ACP5: variants seen among roughly 807,000 people sequenced by gnomAD.
ACP5 encodes the protein tartrate-resistant acid phosphatase type 5.
ACP5 carries 24 observed loss-of-function variants against 28.7 expected under a neutral mutation model. The observed-to-expected ratio is 0.84, with a 90% CI of 0.61 to 1.18. The LOEUF is 1.18. Ranked by LOEUF, ACP5 falls within the 50% of genes most tolerant of loss-of-function variation. ACP5 has a pLI of 0.00. For missense variants in ACP5, 354 were observed against 422.2 expected (o/e 0.84, Z 1.42); for synonymous variants, 154 against 181.4 (o/e 0.85, Z 1.21).
Position 11,575,069 on chromosome 19 carries a change from T to C in ACP5, c.919A>G (p.Ile307Val). ...ISSKEMTVTY[I>V]EASGKSLFKT... ...AAGAGGGACTTGCCCGAGGCCTCGA[T>C]GTAAGTGACAGTCATCTCTTTGGAG... The change falls in exon 5 of 5, where the codon ATC becomes GTC. Residue 307 changes from isoleucine to valine, a missense_variant. Physicochemically the swap from Ile to Val is conservative, Grantham distance 29. Transcript: ENST00000648477. 6.2e-7 allele frequency: 1 copy of C among 1,614,192 alleles called. No homozygotes were observed.
Position 11,577,166 on chromosome 19 carries a change from G to T in ACP5, c.152C>A (p.Ala51Asp). ...CTGCACAGTCCGAGCGATCTCCTTG[G>T]CATTGGCCATTTCCCGGGCCGTGTG... ...PFHTAREMAN[A>D]KEIARTVQIL... The change falls in exon 2 of 5, where the codon GCC becomes GAC. Residue 51 changes from alanine to aspartate, a missense_variant. Transcript: ENST00000648477. This position sits in a 1 kb window ranked among gnomAD's most constrained non-coding sequence, Gnocchi z 5.7. 1 of 1,614,190 alleles carries T rather than the reference G, an allele frequency of 6.2e-7. No homozygotes were observed.
At position 11,577,619 on chromosome 19, in the gene ACP5, G is replaced by A. The variant is rs999220483; in HGVS notation, c.-27C>T. ...CAGGGGGAGACACAGGCCAGTCACCGGAGGCTCTGAGAGGCTGGTGGGCTC... is the reference window on the plus strand; with the variant it reads ...CAGGGGGAGACACAGGCCAGTCACCAGAGGCTCTGAGAGGCTGGTGGGCTC... On this transcript the variant is annotated 5_prime_UTR_variant, in exon 1 of 5. Coordinates refer to ENST00000648477, the MANE Select transcript of ACP5 (RefSeq NM_001611.5). This position sits in a 1 kb window ranked among gnomAD's most constrained non-coding sequence, Gnocchi z 5.7. 18 of 514,004 alleles carry A rather than the reference G, an allele frequency of 3.5e-5. No homozygotes were observed. Among genetic ancestry groups the A allele is most frequent in the East Asian group, 2.5e-4 (7 of 28,218 alleles). The allele number at this position is 514,004 out of a possible 1,614,324, so 31.8% of individuals were successfully genotyped here.
Position 11,576,705 on chromosome 19 carries a change from G to T in ACP5, c.389+11C>A, listed in dbSNP as rs774986467. The T allele has an allele frequency of 5.0e-6, 8 of 1,613,386 alleles. No homozygotes were observed. Among genetic ancestry groups the T allele is most frequent in the Non-Finnish European group, 6.8e-6 (8 of 1,179,818 alleles). The stretch of plus-strand genomic sequence containing the variant: ...TGAGGATCTCGGAAGGCAGGGCTGA[G>T]GGTGGCTCACCAGCGCTTGGAGATC... On this transcript the variant is annotated intron_variant, in intron 3 of 4. Coordinates refer to ENST00000648477, the MANE Select transcript of ACP5 (RefSeq NM_001611.5).
In ACP5 at chr19:11,577,399, A is replaced by T; in HGVS notation, c.1-82T>A. 2 of 1,490,520 alleles carry T rather than the reference A, an allele frequency of 1.3e-6. No homozygotes were observed. The highest frequency in any genetic ancestry group is 1.8e-6 in the Non-Finnish European group (2 of 1,088,446). The allele number at this position is 1,490,520 out of a possible 1,614,324, so 92.3% of individuals were successfully genotyped here. A position where few individuals can be genotyped will look rare whatever the true frequency, so the allele number is the denominator to read the frequency against. On this transcript the variant is annotated intron_variant, in intron 1 of 4. Coordinates refer to ENST00000648477, the MANE Select transcript of ACP5 (RefSeq NM_001611.5). The surrounding 1 kb of genome is among the most constrained non-coding windows in gnomAD (Gnocchi z 5.7). ...TTGAGACCCCCGCCTGCCCTGAGATAGAGGGAGACTGCTTGCTGCAGGCTG... is the reference window on the plus strand; with the variant it reads ...TTGAGACCCCCGCCTGCCCTGAGATTGAGGGAGACTGCTTGCTGCAGGCTG...
In ACP5 at chr19:11,577,310, A is replaced by G. The variant is rs200284614; in HGVS notation, c.8T>C (p.Met3Thr). Reference protein sequence around the residue: MDMWTALLILQAL... With the variant: MDTWTALLILQAL... ...TTGCAGGATGAGCAGCGCCGTCCAC[A>G]TGTCCATCTGGGAGAAGAGAGACAA... Residue 3 changes from methionine (M) to threonine (T), a missense_variant, in exon 2 of 5, where the codon ATG becomes ACG. Met to Thr is a moderately conservative substitution (Grantham distance 81). Coordinates refer to ENST00000648477, the MANE Select transcript of ACP5 (RefSeq NM_001611.5). The surrounding 1 kb of genome is among the most constrained non-coding windows in gnomAD (Gnocchi z 5.7). 31 of 1,613,870 alleles carry G rather than the reference A, an allele frequency of 1.9e-5. No individual in the cohort carries two copies. The East Asian group carries it at 4.2e-4, about 22-fold the overall frequency.
Position 11,577,089 on chromosome 19 carries a change from C to T in ACP5, c.229G>A (p.Gly77Ser), listed in dbSNP as rs1007317128. The change falls in exon 2 of 5, where the codon GGT (glycine) becomes AGT (serine). Residue 77 changes from glycine (G) to serine (S), a missense_variant. Transcript: ENST00000648477. The surrounding 1 kb of genome is among the most constrained non-coding windows in gnomAD (Gnocchi z 5.7). ...LSLGDNFYFTGVQDINDKRFQ... is the reference protein window; with the variant it reads ...LSLGDNFYFTSVQDINDKRFQ... Reference sequence around the variant, plus strand: ...CTCTTGTCATTGATGTCTTGCACACCAGTGAAGTAAAAATTGTCCCCTAGA... The same window carrying T: ...CTCTTGTCATTGATGTCTTGCACACTAGTGAAGTAAAAATTGTCCCCTAGA... 1 of 1,614,010 alleles carries T rather than the reference C, an allele frequency of 6.2e-7. No homozygotes were observed. The highest frequency in any genetic ancestry group is 1.3e-5 in the African/African-American group (1 of 74,916).
At position 11,577,300 on chromosome 19, in the gene ACP5, C is replaced by A. The variant is rs935506217; in HGVS notation, c.18G>T (p.Ala6=). 1.2e-6 allele frequency: 2 copies of A among 1,613,834 alleles called. No individual in the cohort carries two copies. The highest frequency in any genetic ancestry group is 2.7e-5 in the African/African-American group (2 of 74,914). ...GCAACAAGGCTTGCAGGATGAGCAG[C>A]GCCGTCCACATGTCCATCTGGGAGA... is the stretch of plus-strand genomic sequence containing the variant. The part of the protein sequence containing the change: MDMWT[A]LLILQALLLP... Residue 6 remains alanine, a synonymous_variant, in exon 2 of 5, where the codon GCG becomes GCT. Transcript: ENST00000648477. This position sits in a 1 kb window ranked among gnomAD's most constrained non-coding sequence, Gnocchi z 5.7.
chr19:11,577,120 G>A lies in ACP5; in HGVS notation c.198C>T (p.Ile66=). 1 of 1,614,164 alleles carries A rather than the reference G, an allele frequency of 6.2e-7. No homozygotes were observed. Among genetic ancestry groups the A allele is most frequent in the South Asian group, 1.1e-5 (1 of 91,088 alleles). The change falls in exon 2 of 5, where the codon ATC becomes ATT. Residue 66 remains isoleucine, a synonymous_variant. Transcript: ENST00000648477. This position sits in a 1 kb window ranked among gnomAD's most constrained non-coding sequence, Gnocchi z 5.7. ...RTVQILGADF[I]LSLGDNFYFT... is the part of the protein sequence containing the mutation. ...AGTAAAAATTGTCCCCTAGAGACAGGATGAAGTCTGCACCCAGGATCTGCA... is the reference window on the plus strand; with the variant it reads ...AGTAAAAATTGTCCCCTAGAGACAGAATGAAGTCTGCACCCAGGATCTGCA...
Position 11,577,158 on chromosome 19 carries a change from TCTC to T in ACP5, c.157_159del (p.Glu53del), listed in dbSNP as rs1380933258. ...CCCAGGATCTGCACAGTCCGAGCGATCTCCTTGGCATTGGCCATTTCCCGGGCC... is the reference window on the plus strand; with the variant it reads ...CCCAGGATCTGCACAGTCCGAGCGATCTTGGCATTGGCCATTTCCCGGGCC... On this transcript the variant is annotated inframe_deletion, in exon 2 of 5. Coordinates refer to ENST00000648477, the MANE Select transcript of ACP5 (RefSeq NM_001611.5). The surrounding 1 kb of genome is among the most constrained non-coding windows in gnomAD (Gnocchi z 5.7). 6.2e-7 allele frequency: 1 copy of T among 1,614,138 alleles called. No individual in the cohort carries two copies. Among genetic ancestry groups the T allele is most frequent in the Non-Finnish European group, 8.5e-7 (1 of 1,180,024 alleles).
intron 4 of ACP5, 82 bp from the exon 5 acceptor site, chr19:11,575,334 A>G: frequency 6.4e-7 from 1 of 1,559,714 alleles, no homozygotes. Context: ...ATCTGGCCCT[A>G]ACCACAGAGT....
intron 4 of ACP5, chr19:11,575,712 C>T (rs1343734819): frequency 4.9e-6 from 1 of 202,380 alleles, no homozygotes; most frequent in Non-Finnish European, 1.0e-5. Context: ...TAAAAATTAG[C>T]AAGGTTTGGT....
intron 4 of ACP5, 76 bp downstream of exon 4, chr19:11,576,167 G>C: frequency 7.8e-7 from 1 of 1,274,848 alleles, no homozygotes; most frequent in Non-Finnish European, 1.1e-6. Context: ...ACAGCAGGAG[G>C]ACCCCAGCCA....
chr19:11,576,474 G>C lies in ACP5; in HGVS notation c.504C>G (p.Leu168=). The change falls in exon 4 of 5, where the codon CTC becomes CTG. Residue 168 remains leucine (L), a synonymous_variant. Transcript: ENST00000648477. ...CTCGGGGCCTCTCAGGCTGCTGGCT[G>C]AGGAAGTCATCTGAGTTGCCACATA... ...VTLCGNSDDF[L]SQQPERPRDV... 6.2e-7 allele frequency: 1 copy of C among 1,614,208 alleles called. No individual in the cohort carries two copies. Among genetic ancestry groups the C allele is most frequent in the Non-Finnish European group, 8.5e-7 (1 of 1,180,048 alleles).
upstream of ACP5, chr19:11,577,788 C>T (rs535366475): frequency 5.0e-5 from 11 of 221,652 alleles, no homozygotes; most frequent in South Asian, 4.6e-4. The surrounding 1 kb of genome is among the most constrained non-coding windows in gnomAD (Gnocchi z 5.7). Context: ...GAGCAGGACA[C>T]GGGATTGGGG....
chr19:11,574,770 G>A lies in ACP5; in HGVS notation c.*240C>T. The A allele has an allele frequency of 2.9e-6, 1 of 341,406 alleles. No homozygotes were observed. The highest frequency in any genetic ancestry group is 2.2e-5 in the South Asian group (1 of 46,378). 21.1% of individuals were successfully genotyped at this position (341,406 alleles called of 1,614,324 possible). On this transcript the variant is annotated 3_prime_UTR_variant, in exon 5 of 5. Transcript: ENST00000648477. ...CCATTGCACCCCGGAACTCAGCAAA[G>A]GTGAGCCAGCCACAGAGCATAACAC...
At chr19:11,576,179 G>C in intron 4 of ACP5, 64 bp downstream of exon 4, 1 of 1,405,630 alleles carries the variant, frequency 7.1e-7, no homozygotes, top group Non-Finnish European at 9.8e-7. Flanking sequence ...CCCCAGCCAT[G>C]TGGACATCAG....
Position 11,574,970 on chromosome 19 carries a change from C to T in ACP5, c.*40G>A. ...GTCCCGGCAGGGCCCACCCACCCAACAGTGGAGATCGGGCCTCAGAGCTGG... is the reference window on the plus strand; with the variant it reads ...GTCCCGGCAGGGCCCACCCACCCAATAGTGGAGATCGGGCCTCAGAGCTGG... On this transcript the variant is annotated 3_prime_UTR_variant, in exon 5 of 5. Coordinates refer to ENST00000648477, the MANE Select transcript of ACP5 (RefSeq NM_001611.5). The T allele has an allele frequency of 6.2e-7, 1 of 1,613,180 alleles. No homozygotes were observed. The highest frequency in any genetic ancestry group is 1.7e-5 in the Admixed American group (1 of 60,020).
At chr19:11,576,640 G>C in intron 3 of ACP5, 52 bp from the exon 4 acceptor site, 1 of 1,613,824 alleles carries the variant, frequency 6.2e-7, no homozygotes, top group South Asian at 1.1e-5. Flanking sequence ...AGAAGTCCCA[G>C]GGTCAGCTCA....
At chr19:11,578,254 G>A (rs1194500039), upstream of ACP5, 1 of 152,500 alleles carries the variant, frequency 6.6e-6, no homozygotes, top group Non-Finnish European at 1.5e-5. Flanking sequence ...CTCTAGGATG[G>A]GTTGCGTGTC....
Sources: allele counts gnomAD v4.1 joint callset, GRCh38; gene constraint gnomAD v4.1.1; non-coding constraint Gnocchi (gnomAD v3.1); transcripts MANE v1.5; gene names NCBI Gene and HGNC (gene_info 2026-07-23, HGNC 2026-07-21).